FHIT: variants seen among roughly 807,000 people sequenced by gnomAD.
FHIT encodes the protein fragile histidine triad diadenosine triphosphatase, also known as bis(5'-adenosyl)-triphosphatase.
FHIT carries 19 observed loss-of-function variants against 17.9 expected under a neutral mutation model. The observed-to-expected ratio is 1.06, with a 90% confidence interval of 0.74 to 1.56. The LOEUF (loss-of-function observed/expected upper bound fraction) is 1.56. FHIT is among the 40% of genes most tolerant of loss of function. The pLI is 0.00. For missense variants in FHIT, 248 were observed against 189.2 expected (o/e 1.31, Z -1.82); for synonymous variants, 81 against 69.7 (o/e 1.16, Z -0.81).
intron 4 of FHIT, among the ~76,000 whole-genome samples, chr3:60,673,806 C>G (rs551062981): frequency 6.3e-4 from 96 of 152,200 alleles, no homozygotes; most frequent in African/African-American, 2.1e-3. Flanking sequence ...TGTAATGTCT[C>G]TCCACTCCTC....
chr3:60,432,768 C>A (rs960765240), intron 5 of FHIT, among the ~76,000 whole-genome samples: 2 of 152,076 alleles, frequency 1.3e-5, no homozygotes, highest in African/African-American at 4.8e-5. Context: ...TGCCAACCTA[C>A]CAATGTGCTT....
intron 2 of FHIT, among the ~76,000 whole-genome samples, chr3:61,070,991 T>C (rs1408031470): frequency 6.6e-6 from 1 of 152,212 alleles, no homozygotes; most frequent in Non-Finnish European, 1.5e-5. Context: ...CGAGCACTTA[T>C]GGAGGTTTTT....
chr3:60,409,679 A>C (rs1407216507), intron 5 of FHIT, among the ~76,000 whole-genome samples: 1 of 152,214 alleles, frequency 6.6e-6, no homozygotes, highest in African/African-American at 2.4e-5. Context: ...AAAGTAATAC[A>C]TCTAAAGTCA....
intron 5 of FHIT, among the ~76,000 whole-genome samples, chr3:60,209,464 C>G (rs1703350996): frequency 6.6e-6 from 1 of 152,154 alleles, no homozygotes; most frequent in Non-Finnish European, 1.5e-5. Context: ...CTCTTCCTCT[C>G]ACCATCTCAC....
chr3:61,012,830 T>G (rs1043252254), intron 3 of FHIT, among the ~76,000 whole-genome samples: 2 of 151,852 alleles, frequency 1.3e-5, no homozygotes, highest in Non-Finnish European at 2.9e-5. Context: ...TTTAAAAAAT[T>G]TAATGTTCTG....
At chr3:59,921,231 ATTG>A (rs1559732211) in intron 8 of FHIT, among the ~76,000 whole-genome samples, 1 of 152,106 alleles carries the variant, frequency 6.6e-6, no homozygotes, top group East Asian at 1.9e-4. Context: ...CTGCTGACCT[ATTG>A]TTCTTTATTT....
rs531888317 is a variant in FHIT at position 60,653,198 on chromosome 3, T to C, written c.-17-116219A>G. Among the ~76,000 whole-genome samples the C allele has an allele frequency of 6.6e-5, 10 of 151,918 alleles. No homozygotes were observed. The South Asian group carries it at 1.9e-3, about 28-fold the overall frequency. On this transcript the variant is annotated intron_variant, in intron 4 of 9. Coordinates refer to ENST00000492590, the MANE Select transcript of FHIT (RefSeq NM_002012.4). The stretch of plus-strand genomic sequence containing the variant: ...GAAAACATGACACTGGAGAAAACAG[T>C]TTAGGGGAAAGACACAAACTTTAAA...
intron 5 of FHIT, among the ~76,000 whole-genome samples, chr3:60,441,252 C>A (rs1261359373): frequency 6.6e-6 from 1 of 152,094 alleles, no homozygotes. Flanking sequence ...TCTTCAGATT[C>A]CTTCTTGGCT....
intron 4 of FHIT, among the ~76,000 whole-genome samples, chr3:60,721,420 C>T (rs1444536789): frequency 6.6e-6 from 1 of 152,066 alleles, no homozygotes; most frequent in African/African-American, 2.4e-5. Flanking sequence ...ACATACACTG[C>T]CTTGGTTTGA....
At chr3:60,598,697 T>C (rs558660982) in intron 4 of FHIT, among the ~76,000 whole-genome samples, 1 of 152,308 alleles carries the variant, frequency 6.6e-6, no homozygotes, top group Non-Finnish European at 1.5e-5. Context: ...CAGAAACTTC[T>C]ATAGTATGAA....
chr3:61,141,400 T>C (rs1294776792), intron 2 of FHIT, among the ~76,000 whole-genome samples: 1 of 152,176 alleles, frequency 6.6e-6, no homozygotes. Context: ...GCTCCTTTCA[T>C]TCAACAGTCA....
chr3:61,134,131 A>ACACACACACACACACACACACACAC (rs1396881564), intron 2 of FHIT, among the ~76,000 whole-genome samples: 12 of 151,358 alleles, frequency 7.9e-5, no homozygotes, highest in Admixed American at 1.3e-4. Flanking sequence ...ACACACACAC[A>ACACACACACACACACACACACACAC]AAGAGGTCAA....
At chr3:61,251,000 C>A (rs1042789073) in intron 1 of FHIT, among the ~76,000 whole-genome samples, 25 of 152,332 alleles carry the variant, frequency 1.6e-4, no homozygotes, top group African/African-American at 6.0e-4. Context: ...ACTACACCCC[C>A]AGAGCCAAGA....
At chr3:61,210,973 A>G (rs1347999697) in intron 1 of FHIT, among the ~76,000 whole-genome samples, 3 of 152,024 alleles carry the variant, frequency 2.0e-5, no homozygotes, top group Non-Finnish European at 2.9e-5. Context: ...ATTGACATAT[A>G]ACAAATTATC....
intron 3 of FHIT, among the ~76,000 whole-genome samples, chr3:60,901,469 C>G (rs1553763169): frequency 6.6e-6 from 1 of 151,974 alleles, no homozygotes; most frequent in Non-Finnish European, 1.5e-5. Flanking sequence ...AGTATGGGCT[C>G]ACTTGCACTT....
chr3:59,802,312 C>T (rs1447753467), intron 8 of FHIT, among the ~76,000 whole-genome samples: 1 of 152,140 alleles, frequency 6.6e-6, no homozygotes. Flanking sequence ...TTTTAATACT[C>T]CTTCTTATCC....
At chr3:60,609,419 G>A (rs1317232512) in intron 4 of FHIT, among the ~76,000 whole-genome samples, 4 of 151,872 alleles carry the variant, frequency 2.6e-5, no homozygotes, top group South Asian at 2.1e-4. Flanking sequence ...TCCGCCTCTC[G>A]GGTTCAAGTG....
chr3:59,764,052 A>G (rs1701669164), intron 8 of FHIT, among the ~76,000 whole-genome samples: 1 of 152,192 alleles, frequency 6.6e-6, no homozygotes, highest in Non-Finnish European at 1.5e-5. Context: ...GCCGTCCCAG[A>G]ACAGCTGGAC....
intron 5 of FHIT, among the ~76,000 whole-genome samples, chr3:60,080,174 T>C (rs543780746): frequency 2.0e-5 from 3 of 152,320 alleles, no homozygotes; most frequent in African/African-American, 4.8e-5. Flanking sequence ...ATTTACCTGA[T>C]AGAGTACCTA....
Sources: allele counts gnomAD v4.1 joint callset (sites outside exome capture counted in the v4.1 genomes callset), GRCh38; gene constraint gnomAD v4.1.1; transcripts MANE v1.5; gene names NCBI Gene and HGNC (gene_info 2026-07-23, HGNC 2026-07-21).